The following TG variants were observed in gnomAD, a reference collection of about 807,000 sequenced individuals.
The protein encoded by TG is thyroid hormones.
Under a neutral mutation model 324.7 loss-of-function variants are expected in TG, and 270 were observed. The ratio of observed to expected loss-of-function variants is 0.83; its 90% CI spans 0.75 to 0.92. The LOEUF is 0.92. Among genes scored for constraint, TG ranks in the 40% least tolerant of loss-of-function variants. TG has a pLI of 0.00. For missense variants in TG, 3,591 were observed against 3,456.4 expected (o/e 1.04, Z -0.98); for synonymous variants, 1,401 against 1,327.0 (o/e 1.06, Z -1.21).
At chr8:133,030,093 C>T in intron 41 of TG, 70 bp downstream of exon 41, 1 of 1,593,204 alleles carries the variant, frequency 6.3e-7, no homozygotes, top group Admixed American at 1.7e-5. Context: ...TCCTGTGCTG[C>T]AAAAGTCTAG....
intron 43 of TG, among the ~76,000 whole-genome samples, chr8:133,099,358 G>C (rs1848910889): frequency 1.3e-5 from 2 of 152,202 alleles, no homozygotes; most frequent in Admixed American, 1.3e-4. Flanking sequence ...CCTGCATCCT[G>C]CCAAGAACTC....
intron 41 of TG, 105 bp from the exon 42 acceptor site, chr8:133,094,939 G>C (rs1848177940): frequency 2.6e-6 from 4 of 1,537,814 alleles, no homozygotes; most frequent in Non-Finnish European, 3.6e-6. Flanking sequence ...GGACTCCCAA[G>C]CTTGGAGGAA....
At chr8:133,063,773 G>A (rs896679104) in intron 41 of TG, 1 of 152,226 alleles carries the variant, frequency 6.6e-6, no homozygotes, top group African/African-American at 2.4e-5. Flanking sequence ...CAGCCCTTTA[G>A]TGGTCTGCTC....
chr8:133,079,364 C>G (rs1022001113), intron 41 of TG, among the ~76,000 whole-genome samples: 3 of 152,240 alleles, frequency 2.0e-5, no homozygotes, highest in African/African-American at 7.2e-5. Flanking sequence ...GAGAGTCACT[C>G]AGTTAAGTAC....
intron 34 of TG, among the ~76,000 whole-genome samples, chr8:132,974,200 G>A (rs1316906218): frequency 6.6e-6 from 1 of 151,958 alleles, no homozygotes; most frequent in Non-Finnish European, 1.5e-5. Flanking sequence ...CACCATGTTA[G>A]CCAGGGTGGC....
At chr8:133,108,517 A>G (rs1288961567) in intron 43 of TG, among the ~76,000 whole-genome samples, 2 of 152,230 alleles carry the variant, frequency 1.3e-5, no homozygotes, top group African/African-American at 4.8e-5. Flanking sequence ...TGACAGTTTT[A>G]TGATGAGGGT....
At chr8:132,945,998 A>C (rs1825212334) in intron 26 of TG, among the ~76,000 whole-genome samples, 2 of 151,732 alleles carry the variant, frequency 1.3e-5, no homozygotes, top group African/African-American at 4.8e-5. Context: ...TGATTATGTG[A>C]TGTGGATTCC....
chr8:133,018,140 A>G (rs1835217094), intron 38 of TG, 143 bp downstream of exon 38: 7 of 853,050 alleles, frequency 8.2e-6, no homozygotes, highest in African/African-American at 6.7e-5. Context: ...CTAAGATATC[A>G]TTAAGTGCTG....
rs201240635 is a variant in TG, at chr8:132,967,878, A to C, written c.5771A>C (p.Glu1924Ala). ...TACTTCACCTGCACCCTCTACCCAG[A>C]GGCACAGGTGTGTGATGACATCATG... Reference protein sequence around the residue: ...SLYFTCTLYPEAQVCDDIMES... With the variant: ...SLYFTCTLYPAAQVCDDIMES... Residue 1924 changes from glutamate (E) to alanine (A), a missense_variant, in exon 31 of 48, where the codon GAG becomes GCG. By Grantham distance (107) the Glu-to-Ala change is moderately radical. Coordinates refer to ENST00000220616, the MANE Select transcript of TG (RefSeq NM_003235.5). 102 of 1,613,842 alleles carry C rather than the reference A, an allele frequency of 6.3e-5. No individual in the cohort carries two copies. Among genetic ancestry groups the C allele is most frequent in the Non-Finnish European group, 6.8e-6 (8 of 1,179,952 alleles).
intron 16 of TG, among the ~76,000 whole-genome samples, chr8:132,904,739 G>A (rs1042864908): frequency 1.3e-5 from 2 of 152,050 alleles, no homozygotes; most frequent in Non-Finnish European, 2.9e-5. Context: ...AGGCAAGGGA[G>A]GGTAAAAAAA....
chr8:133,013,731 C>T lies in TG; in HGVS notation c.6529C>T (p.Arg2177Cys), dbSNP rs555719562. Reference sequence around the variant, plus strand: ...GGGTCAGAACTGCCGACTTCTGCTTCGTGAAGAGGCCACCCACATCTACCG... The same window carrying T: ...GGGTCAGAACTGCCGACTTCTGCTTTGTGAAGAGGCCACCCACATCTACCG... ...LQGQNCRLLLREEATHIYRKP... is the reference protein window; with the variant it reads ...LQGQNCRLLLCEEATHIYRKP... Residue 2177 changes from arginine (R) to cysteine (C), a missense_variant, in exon 37 of 48, where the codon CGT (arginine) becomes TGT (cysteine). Coordinates refer to ENST00000220616, the MANE Select transcript of TG (RefSeq NM_003235.5). 2.5e-4 allele frequency: 398 copies of T among 1,612,948 alleles called. 5 individuals are homozygous for T. The South Asian group carries it at 3.7e-3, about 15-fold the overall frequency.
Position 132,888,014 on chromosome 8 carries a change from A to G in TG, c.2207A>G (p.Gln736Arg). 6.2e-7 allele frequency: 1 copy of G among 1,614,102 alleles called. No homozygotes were observed. The highest frequency in any genetic ancestry group is 8.5e-7 in the Non-Finnish European group (1 of 1,180,014). Residue 736 changes from glutamine to arginine, a missense_variant, in exon 10 of 48, where the codon CAA (glutamine) becomes CGA (arginine). Transcript: ENST00000220616. ...ACGCCCTGTCAATTACAGTCTGAGC[A>G]AGCTTTCCTCAGGACGGTGCAGGCC... ...CPTPCQLQSE[Q>R]AFLRTVQALL...
At chr8:132,980,250 A>G (rs1830657466) in intron 34 of TG, among the ~76,000 whole-genome samples, 1 of 152,086 alleles carries the variant, frequency 6.6e-6, no homozygotes, top group Admixed American at 6.5e-5. Context: ...AGAAGATTGA[A>G]ACTCTCAGTC....
Position 132,919,487 on chromosome 8 carries a change from G to C in TG, c.4490G>C (p.Arg1497Thr). The C allele has an allele frequency of 6.2e-7, 1 of 1,614,100 alleles. No homozygotes were observed. The highest frequency in any genetic ancestry group is 8.5e-7 in the Non-Finnish European group (1 of 1,179,984). Reference protein sequence around the residue: ...SLACVPCPVGRTTISAGAFSQ... With the variant: ...SLACVPCPVGTTTISAGAFSQ... The stretch of plus-strand genomic sequence containing the variant: ...GCCTGTGTCCCATGTCCTGTGGGCA[G>C]AACGACCATTTCTGCTGGAGCTTTC... Residue 1497 changes from arginine (R) to threonine (T), a missense_variant, in exon 21 of 48, where the codon AGA becomes ACA. Coordinates refer to ENST00000220616, the MANE Select transcript of TG (RefSeq NM_003235.5).
At chr8:132,890,821 C>G (rs62514138) in intron 10 of TG, among the ~76,000 whole-genome samples, 10,921 of 152,308 alleles carry the variant, frequency 0.072, 475 homozygotes, top group African/African-American at 0.12. Context: ...TTCCTACATG[C>G]ATCACCCACA....
In TG at chr8:132,906,741, C is replaced by A. The variant is rs531327518; in HGVS notation, c.3688C>A (p.Leu1230Met). Reference protein sequence around the residue: ...NASEVVGGTILCETISGPTGS... With the variant: ...NASEVVGGTIMCETISGPTGS... ...GTCGGAGGTGGTTGGTGGAACAATC[C>A]TGTGTGAGACAATCTCGGGCCCCAC... Residue 1230 changes from leucine to methionine, a missense_variant, in exon 17 of 48, where the codon CTG (leucine) becomes ATG (methionine). Transcript: ENST00000220616. 1.3e-5 allele frequency: 21 copies of A among 1,614,260 alleles called. No homozygotes were observed. The African/African-American group carries it at 1.6e-4, about 12-fold the overall frequency.
chr8:133,112,959 C>T (rs1273534757), intron 43 of TG, among the ~76,000 whole-genome samples: 1 of 152,164 alleles, frequency 6.6e-6, no homozygotes, highest in Admixed American at 6.5e-5. Context: ...GTGCATGAAG[C>T]ATTCATATGA....
At chr8:132,909,504 C>T (rs539359218) in intron 18 of TG, among the ~76,000 whole-genome samples, 87 of 152,288 alleles carry the variant, frequency 5.7e-4, no homozygotes, top group African/African-American at 2.0e-3. Flanking sequence ...TGGGCAGGGA[C>T]CTAGTCCTAA....
At chr8:132,905,079 A>G (rs896023044) in intron 16 of TG, among the ~76,000 whole-genome samples, 4 of 152,188 alleles carry the variant, frequency 2.6e-5, no homozygotes, top group Non-Finnish European at 4.4e-5. Flanking sequence ...GATATTAGCA[A>G]AGCTCTTAAT....
Sources: gnomAD v4.1 joint callset for allele counts (sites outside exome capture counted in the v4.1 genomes callset) on GRCh38, gnomAD v4.1.1 for gene constraint, MANE v1.5 for transcripts, NCBI Gene and HGNC (gene_info 2026-07-23, HGNC 2026-07-21) for gene names.